KCNK10: variants seen among roughly 807,000 people sequenced by gnomAD.
KCNK10 encodes potassium channel subfamily K member 10.
In KCNK10, 25 loss-of-function variants were observed where a neutral mutation model predicts 47.7. The ratio of observed to expected loss-of-function variants is 0.52; its 90% CI spans 0.38 to 0.73. The LOEUF (loss-of-function observed/expected upper bound fraction) is 0.73, where lower values mean the gene tolerates loss of function less well. Ranked by LOEUF, KCNK10 falls within the 30% of genes least tolerant of loss-of-function variation. The pLI is 0.00. For missense variants in KCNK10, 563 were observed against 714.5 expected, an observed-to-expected ratio of 0.79 and a Z score of 2.42; for synonymous variants, 303 against 285.6, an observed-to-expected ratio of 1.06 and a Z score of -0.61.
chr14:88,196,225 C>T (rs1354096748), intron 4 of KCNK10, among the ~76,000 whole-genome samples: 3 of 152,210 alleles, frequency 2.0e-5, no homozygotes, highest in African/African-American at 7.2e-5. Context: ...AACCCATCTC[C>T]TGTAGAGTTC....
At chr14:88,308,585 G>A (rs574784271) in intron 1 of KCNK10, among the ~76,000 whole-genome samples, 10 of 152,306 alleles carry the variant, frequency 6.6e-5, no homozygotes, top group East Asian at 3.9e-4. Flanking sequence ...CACGCATCCC[G>A]GCACAGGCAC....
At chr14:88,270,309 C>T (rs190181828) in intron 1 of KCNK10, among the ~76,000 whole-genome samples, 8 of 152,292 alleles carry the variant, frequency 5.3e-5, no homozygotes, top group African/African-American at 1.4e-4. Flanking sequence ...CCACCCACAC[C>T]GGCCTCCAGT....
intron 1 of KCNK10, among the ~76,000 whole-genome samples, chr14:88,277,441 T>G (rs1887548596): frequency 6.6e-6 from 1 of 152,156 alleles, no homozygotes; most frequent in African/African-American, 2.4e-5. Context: ...AATGCATCTA[T>G]CAGAGGCTGG....
intron 4 of KCNK10, among the ~76,000 whole-genome samples, chr14:88,211,886 C>T: frequency 8.4e-6 from 1 of 119,032 alleles, no homozygotes; most frequent in Non-Finnish European, 1.7e-5. Flanking sequence ...CAGAGCTAGA[C>T]TTCATCTCAA....
intron 1 of KCNK10, among the ~76,000 whole-genome samples, chr14:88,282,115 A>G (rs1887663283): frequency 6.6e-6 from 1 of 152,232 alleles, no homozygotes; most frequent in Admixed American, 6.5e-5. Context: ...CTTTGAATGC[A>G]TGAATGAAAT....
At chr14:88,279,232 A>G (rs973954302) in intron 1 of KCNK10, among the ~76,000 whole-genome samples, 4 of 152,232 alleles carry the variant, frequency 2.6e-5, no homozygotes, top group Admixed American at 2.6e-4. Context: ...TAGTAGAAGC[A>G]TTAACCATCA....
chr14:88,259,844 A>G (rs1356228541), intron 2 of KCNK10, among the ~76,000 whole-genome samples: 1 of 152,168 alleles, frequency 6.6e-6, no homozygotes, highest in Non-Finnish European at 1.5e-5. Flanking sequence ...GTTGAATTGT[A>G]ATCCCCAGTG....
intron 1 of KCNK10, among the ~76,000 whole-genome samples, chr14:88,281,981 C>T (rs769050754): frequency 6.6e-6 from 1 of 151,926 alleles, no homozygotes; most frequent in South Asian, 2.1e-4. Flanking sequence ...GATGAACCAT[C>T]ATCCCCAACA....
chr14:88,193,647 T>G (rs1425232056), intron 4 of KCNK10, among the ~76,000 whole-genome samples: 1 of 152,202 alleles, frequency 6.6e-6, no homozygotes, highest in African/African-American at 2.4e-5. Flanking sequence ...ATCCTCTTCA[T>G]CGCACCAAGC....
At chr14:88,280,683 C>G (rs1334029716) in intron 1 of KCNK10, among the ~76,000 whole-genome samples, 2 of 152,156 alleles carry the variant, frequency 1.3e-5, no homozygotes, top group South Asian at 2.1e-4. Flanking sequence ...TGAGAGGCAG[C>G]CTTACTTTCT....
At chr14:88,270,769 C>T (rs759470354) in intron 1 of KCNK10, 9 of 780,906 alleles carry the variant, frequency 1.2e-5, no homozygotes, top group Admixed American at 1.0e-4. Context: ...CAGTCCTGTC[C>T]CCCTTAAATC....
chr14:88,308,223 G>A (rs1470144328), intron 1 of KCNK10, among the ~76,000 whole-genome samples: 2 of 152,190 alleles, frequency 1.3e-5, no homozygotes, highest in Non-Finnish European at 2.9e-5. Context: ...GATACTGGAA[G>A]GATGGCTCCT....
At chr14:88,293,313 T>C (rs759815580) in intron 1 of KCNK10, among the ~76,000 whole-genome samples, 1 of 152,298 alleles carries the variant, frequency 6.6e-6, no homozygotes. Context: ...AACTGTCCAA[T>C]TGACATTCCC....
At chr14:88,265,635 C>G (rs1348482876) in intron 1 of KCNK10, among the ~76,000 whole-genome samples, 2 of 152,198 alleles carry the variant, frequency 1.3e-5, no homozygotes, top group African/African-American at 4.8e-5. Context: ...TTCAGGTTTC[C>G]TGATATGGTT....
intron 5 of KCNK10, among the ~76,000 whole-genome samples, chr14:88,191,982 G>T (rs979289865): frequency 2.0e-5 from 3 of 152,128 alleles, no homozygotes; most frequent in Non-Finnish European, 2.9e-5. Flanking sequence ...TTTGTGTGAC[G>T]ATAAGGGAAA....
intron 1 of KCNK10, among the ~76,000 whole-genome samples, chr14:88,301,247 G>A (rs1888086666): frequency 6.6e-6 from 1 of 152,128 alleles, no homozygotes; most frequent in African/African-American, 2.4e-5. Flanking sequence ...AACAATAAAT[G>A]TTAGTTATCA....
In KCNK10 at chr14:88,180,915, CAG is replaced by C. The variant is rs1209274302; in HGVS notation, c.*4618_*4619del. On this transcript the variant is annotated 3_prime_UTR_variant, in exon 7 of 7. Transcript: ENST00000319231. ...TGCCACACTAAAGTGATCTTTGTTTCAGAGAGTTACCCTTTTTCTTTTTAAGG... is the reference window on the plus strand; with the variant it reads ...TGCCACACTAAAGTGATCTTTGTTTCAGAGTTACCCTTTTTCTTTTTAAGG... 12 of 398,506 alleles carry C rather than the reference CAG, an allele frequency of 3.0e-5. No homozygotes were observed. Among genetic ancestry groups the C allele is most frequent in the Non-Finnish European group, 4.4e-5 (10 of 226,000 alleles). The allele number at this position is 398,506 out of a possible 1,614,324, so 24.7% of individuals were successfully genotyped here. A position where few individuals can be genotyped will look rare whatever the true frequency, so the allele number is the denominator to read the frequency against.
At chr14:88,288,494 C>T (rs1014305363) in intron 1 of KCNK10, among the ~76,000 whole-genome samples, 1 of 152,198 alleles carries the variant, frequency 6.6e-6, no homozygotes, top group Non-Finnish European at 1.5e-5. Flanking sequence ...CATTCCACCA[C>T]TTCTTTCATT....
At chr14:88,200,056 TTTTC>T (rs895143530) in intron 4 of KCNK10, among the ~76,000 whole-genome samples, 34 of 151,948 alleles carry the variant, frequency 2.2e-4, no homozygotes, top group African/African-American at 5.1e-4. Flanking sequence ...TTTCTTCTTC[TTTTC>T]TTTCTTTCTT....
Sources: allele counts gnomAD v4.1 joint callset (sites outside exome capture counted in the v4.1 genomes callset), GRCh38; gene constraint gnomAD v4.1.1; transcripts MANE v1.5; gene names NCBI Gene and HGNC (gene_info 2026-07-23, HGNC 2026-07-21).